The following TAFA2 variants were observed in gnomAD, a reference collection of about 807,000 sequenced individuals.
The protein encoded by TAFA2 is chemokine-like protein TAFA-2.
A neutral mutation model predicts 18.8 loss-of-function variants in TAFA2; 7 were observed. The ratio of observed to expected loss-of-function variants is 0.37; its 90% confidence interval spans 0.21 to 0.70. TAFA2 has a LOEUF of 0.70. Ranked by LOEUF, TAFA2 falls within the 30% of genes least tolerant of loss-of-function variation. TAFA2 has a pLI of 0.53. For missense variants in TAFA2, 122 were observed against 158.1 expected (o/e 0.77, Z 1.23); for synonymous variants, 60 against 54.2 (o/e 1.11, Z -0.47).
intron 1 of TAFA2, among the ~76,000 whole-genome samples, chr12:61,940,207 G>T (rs1247285827): frequency 6.6e-6 from 1 of 152,160 alleles, no homozygotes. Flanking sequence ...GACATGTAAT[G>T]TGTGCAATTG....
intron 4 of TAFA2, among the ~76,000 whole-genome samples, chr12:61,734,368 G>A (rs1173015442): frequency 8.7e-6 from 1 of 115,140 alleles, no homozygotes; most frequent in Non-Finnish European, 1.7e-5. Context: ...CGGTTGTGGG[G>A]TCGGGGGAGG....
intron 1 of TAFA2, among the ~76,000 whole-genome samples, chr12:62,123,742 C>T (rs1269914685): frequency 2.7e-5 from 4 of 147,808 alleles, no homozygotes; most frequent in African/African-American, 1.0e-4. Context: ...CACACACACA[C>T]CTACCCCACA....
intron 1 of TAFA2, among the ~76,000 whole-genome samples, chr12:62,057,436 T>C (rs1882216607): frequency 6.6e-6 from 1 of 152,176 alleles, no homozygotes. Flanking sequence ...CTCCTAAAAC[T>C]GTGTTTTCTT....
intron 4 of TAFA2, among the ~76,000 whole-genome samples, chr12:61,731,708 C>T (rs1254716036): frequency 6.6e-6 from 1 of 151,918 alleles, no homozygotes. Context: ...TATTATTAGT[C>T]TTTGTTACTA....
intron 1 of TAFA2, among the ~76,000 whole-genome samples, chr12:62,105,327 G>C (rs1869400331): frequency 6.6e-6 from 1 of 151,634 alleles, no homozygotes; most frequent in Non-Finnish European, 1.5e-5. Flanking sequence ...TATTTCACCA[G>C]GGGGAAAAAG....
intron 1 of TAFA2, among the ~76,000 whole-genome samples, chr12:61,896,596 T>C (rs1875856002): frequency 6.6e-6 from 1 of 152,244 alleles, no homozygotes; most frequent in African/African-American, 2.4e-5. Flanking sequence ...GATTTCAATC[T>C]GCTTGTTTTA....
At chr12:61,714,909 G>A (rs1226048360) in intron 4 of TAFA2, among the ~76,000 whole-genome samples, 1 of 152,182 alleles carries the variant, frequency 6.6e-6, no homozygotes, top group Non-Finnish European at 1.5e-5. Flanking sequence ...AAATAGCTCA[G>A]GCTTTGTTCG....
intron 1 of TAFA2, among the ~76,000 whole-genome samples, chr12:61,972,641 A>G (rs761803244): frequency 6.6e-6 from 1 of 151,746 alleles, no homozygotes; most frequent in Non-Finnish European, 1.5e-5. Flanking sequence ...AAGAATCTGT[A>G]CTGGAAAGAG....
chr12:61,873,884 T>C (rs993189391), intron 1 of TAFA2, among the ~76,000 whole-genome samples: 8 of 152,096 alleles, frequency 5.3e-5, no homozygotes, highest in African/African-American at 1.7e-4. Context: ...TAGGTATATA[T>C]GGATATTAAA....
intron 1 of TAFA2, among the ~76,000 whole-genome samples, chr12:61,937,034 G>C (rs1877797543): frequency 6.6e-6 from 1 of 152,060 alleles, no homozygotes; most frequent in African/African-American, 2.4e-5. Context: ...TGAGAAGCAA[G>C]TCAATAACTC....
At chr12:62,194,534 T>G (rs1417849941), upstream of TAFA2, among the ~76,000 whole-genome samples, 1 of 152,172 alleles carries the variant, frequency 6.6e-6, no homozygotes, top group Non-Finnish European at 1.5e-5. Flanking sequence ...ATAAATTAAT[T>G]ACAAAATAGA....
intron 1 of TAFA2, among the ~76,000 whole-genome samples, chr12:62,013,396 G>A (rs1880831483): frequency 6.6e-6 from 1 of 152,086 alleles, no homozygotes; most frequent in African/African-American, 2.4e-5. Flanking sequence ...ATAAAAGTAG[G>A]TGTGTTCATA....
chr12:61,809,938 G>A (rs1871795982), intron 2 of TAFA2, among the ~76,000 whole-genome samples: 1 of 151,024 alleles, frequency 6.6e-6, no homozygotes, highest in Non-Finnish European at 1.5e-5. Context: ...TTCTAATTAG[G>A]CAACTTCCTA....
At chr12:62,067,217 C>T (rs11836749) in intron 1 of TAFA2, among the ~76,000 whole-genome samples, 14,884 of 151,674 alleles carry the variant, frequency 0.098, 945 homozygotes, top group Non-Finnish European at 0.14. Flanking sequence ...GTTATTAATC[C>T]CTTGTCAGAG....
intron 1 of TAFA2, among the ~76,000 whole-genome samples, chr12:61,970,618 A>C (rs1879214653): frequency 6.6e-6 from 1 of 151,632 alleles, no homozygotes; most frequent in Non-Finnish European, 1.5e-5. Flanking sequence ...TGGTAATAAC[A>C]AAAACTATGT....
intron 1 of TAFA2, among the ~76,000 whole-genome samples, chr12:62,062,951 C>A (rs1034131144): frequency 3.9e-5 from 6 of 152,012 alleles, no homozygotes; most frequent in African/African-American, 1.4e-4. Flanking sequence ...TCACATTTTT[C>A]TTCTTTCTCT....
At chr12:62,141,326 A>G (rs2062237684) in intron 1 of TAFA2, among the ~76,000 whole-genome samples, 1 of 152,156 alleles carries the variant, frequency 6.6e-6, no homozygotes. Flanking sequence ...AATGGGGCTT[A>G]CTGCAGTGAA....
intron 1 of TAFA2, among the ~76,000 whole-genome samples, chr12:62,135,263 G>C (rs1296594662): frequency 1.3e-5 from 2 of 152,004 alleles, no homozygotes; most frequent in African/African-American, 4.8e-5. Flanking sequence ...GCAAGAGAGA[G>C]ACTTTTGGAC....
At chr12:61,967,290 C>T (rs1358596120) in intron 1 of TAFA2, among the ~76,000 whole-genome samples, 1 of 151,786 alleles carries the variant, frequency 6.6e-6, no homozygotes, top group Non-Finnish European at 1.5e-5. Flanking sequence ...CAGAGAGGAA[C>T]CTAAGGACTT....
Sources: gnomAD v4.1 joint callset for allele counts (sites outside exome capture counted in the v4.1 genomes callset) on GRCh38, gnomAD v4.1.1 for gene constraint, MANE v1.5 for transcripts, NCBI Gene and HGNC (gene_info 2026-07-23, HGNC 2026-07-21) for gene names.